Variants in EHBP1 observed in about 807,000 individuals in gnomAD.
EHBP1 encodes the protein EH domain-binding protein 1.
Under a neutral mutation model 144.0 loss-of-function variants are expected in EHBP1, and 55 were observed. The ratio of observed to expected loss-of-function variants is 0.38; its 90% CI spans 0.31 to 0.48. The LOEUF (loss-of-function observed/expected upper bound fraction) is 0.48. Ranked by LOEUF, EHBP1 falls within the 20% of genes least tolerant of loss-of-function variation. The pLI, the probability that EHBP1 is intolerant of heterozygous loss-of-function variation, is 0.98. For synonymous variants in EHBP1, 469 were observed against 472.7 expected (o/e 0.99, Z 0.10); for missense variants, 1,200 against 1,364.2 (o/e 0.88, Z 1.90).
At chr2:62,865,736 C>G (rs1227238030) in intron 9 of EHBP1, among the ~76,000 whole-genome samples, 2 of 152,112 alleles carry the variant, frequency 1.3e-5, no homozygotes, top group African/African-American at 4.8e-5. Flanking sequence ...CCTGAGAGAA[C>G]AGAAACAAGA....
chr2:62,895,823 A>G (rs930015473), intron 10 of EHBP1, among the ~76,000 whole-genome samples: 2 of 152,174 alleles, frequency 1.3e-5, no homozygotes, highest in African/African-American at 4.8e-5. Context: ...CTGAGGGAGG[A>G]AAAAAGAAGA....
intron 19 of EHBP1, among the ~76,000 whole-genome samples, chr2:63,009,426 G>C (rs1057319777): frequency 6.6e-6 from 1 of 151,556 alleles, no homozygotes; most frequent in Non-Finnish European, 1.5e-5. Context: ...ATGCTGAGAA[G>C]AAAAAGGAAG....
intron 16 of EHBP1, among the ~76,000 whole-genome samples, chr2:62,992,495 T>G (rs559595404): frequency 1.3e-4 from 20 of 152,318 alleles, no homozygotes; most frequent in South Asian, 6.2e-4. Context: ...ACAGCTTGCC[T>G]TTGTATGATT....
At chr2:62,819,050 A>T (rs1490265482) in intron 5 of EHBP1, among the ~76,000 whole-genome samples, 2 of 152,172 alleles carry the variant, frequency 1.3e-5, no homozygotes, top group African/African-American at 4.8e-5. Context: ...CAGGGAGCAT[A>T]AAAGAAAGGA....
chr2:62,784,878 C>G (rs2042697906), intron 5 of EHBP1, among the ~76,000 whole-genome samples: 1 of 152,128 alleles, frequency 6.6e-6, no homozygotes, highest in African/African-American at 2.4e-5. Flanking sequence ...AGAATCACTT[C>G]TGGACTATGA....
intron 9 of EHBP1, among the ~76,000 whole-genome samples, chr2:62,873,980 C>T (rs983978257): frequency 6.6e-6 from 1 of 152,024 alleles, no homozygotes; most frequent in African/African-American, 2.4e-5. Flanking sequence ...TAACAGAGCT[C>T]GAGCTTAAAA....
intron 10 of EHBP1, among the ~76,000 whole-genome samples, chr2:62,910,314 A>G (rs905448309): frequency 2.0e-5 from 3 of 152,156 alleles, no homozygotes; most frequent in Non-Finnish European, 2.9e-5. Flanking sequence ...TTTTAATCCC[A>G]CTGAGTTTGA....
intron 1 of EHBP1, among the ~76,000 whole-genome samples, chr2:62,687,006 G>T (rs1017857662): frequency 4.6e-5 from 7 of 152,086 alleles, no homozygotes; most frequent in Non-Finnish European, 7.4e-5. Context: ...CATTCAACTG[G>T]TAACTAAAAG....
Position 62,693,762 on chromosome 2 carries a change from C to T in EHBP1, c.-295-13135C>T, listed in dbSNP as rs912159207. Among the ~76,000 whole-genome samples the T allele has an allele frequency of 2.0e-5, 3 of 152,166 alleles. No homozygotes were observed. In the South Asian group the frequency reaches 6.2e-4, roughly 32 times the overall value. On this transcript the variant is annotated intron_variant, in intron 1 of 22. Coordinates refer to the EHBP1 transcript ENST00000405015. ...TTTTTGTATCCATTAACCAACCTCT[C>T]TTCTCCCCTCCCGACTACACTTCCC... is the stretch of plus-strand genomic sequence containing the variant.
chr2:62,892,190 T>C (rs1315519703), intron 10 of EHBP1, among the ~76,000 whole-genome samples: 2 of 152,198 alleles, frequency 1.3e-5, no homozygotes, highest in African/African-American at 2.4e-5. Flanking sequence ...ATAAAGATAC[T>C]GAAGCTATTT....
rs188614757 is a variant in EHBP1 at position 62,719,509 on chromosome 2, A to C, written c.104+12214A>C. Among the ~76,000 whole-genome samples, 409 of 152,330 alleles carry C rather than the reference A, an allele frequency of 2.7e-3. 2 individuals carry two copies. Among genetic ancestry groups the C allele is most frequent in the Admixed American group, 0.018 (275 of 15,294 alleles). ...ACTGCAGAGAACTCACAAGGGAGCA[A>C]GAGATGTTTAACAATTTTGAAGGAA... On this transcript the variant is annotated intron_variant, in intron 2 of 22. Transcript: ENST00000431489.
chr2:62,864,968 A>G lies in EHBP1; in HGVS notation c.995A>G (p.Asp332Gly). ...TCTAAAACTGAAGAAGAAGAATTGGATGAGTAAGTACATTTCATTTTGCTG... is the reference window on the plus strand; with the variant it reads ...TCTAAAACTGAAGAAGAAGAATTGGGTGAGTAAGTACATTTCATTTTGCTG... Reference protein sequence around the residue: ...DSSKTEEEELDESNPFYEPKS... With the variant: ...DSSKTEEEELGESNPFYEPKS... Residue 332 changes from aspartate (D) to glycine (G), a missense_variant, in exon 9 of 23, where the codon GAT becomes GGT. Asp to Gly is a moderately conservative substitution (Grantham distance 94). This residue lies in a region of EHBP1 where 266 missense variants were observed against 262.4 expected (regional missense o/e 1.01). Coordinates refer to ENST00000431489, the MANE Select transcript of EHBP1 (RefSeq NM_001142616.3). The G allele has an allele frequency of 6.2e-7, 1 of 1,612,892 alleles. No homozygotes were observed. The highest frequency in any genetic ancestry group is 1.3e-5 in the African/African-American group (1 of 74,916).
At chr2:63,005,751 G>C (rs188912064) in intron 19 of EHBP1, among the ~76,000 whole-genome samples, 9 of 151,916 alleles carry the variant, frequency 5.9e-5, no homozygotes, top group Admixed American at 4.6e-4. Context: ...TAATAATAAG[G>C]CTACTCACAA....
At chr2:62,933,257 A>T (rs1423999360) in intron 10 of EHBP1, among the ~76,000 whole-genome samples, 1 of 152,040 alleles carries the variant, frequency 6.6e-6, no homozygotes, top group Non-Finnish European at 1.5e-5. Context: ...CATTTTTTCC[A>T]GGGTCTAATA....
Position 62,996,623 on chromosome 2 carries a change from C to G in EHBP1, c.2980-20C>G, listed in dbSNP as rs558522480. 1.1e-5 allele frequency: 18 copies of G among 1,607,076 alleles called. 2 individuals carry two copies. In the South Asian group the frequency reaches 2.0e-4, roughly 18 times the overall value. Reference sequence around the variant, plus strand: ...CTTACAAGTGATTTTTTTTTCCTTCCTGTTTGTTCTTGTTAACAGAAAGGG... The same window carrying G: ...CTTACAAGTGATTTTTTTTTCCTTCGTGTTTGTTCTTGTTAACAGAAAGGG... On this transcript the variant is annotated intron_variant, in intron 18 of 22. Coordinates refer to ENST00000431489, the MANE Select transcript of EHBP1 (RefSeq NM_001142616.3).
chr2:62,965,302 G>C (rs552768409), intron 14 of EHBP1, among the ~76,000 whole-genome samples: 2 of 152,146 alleles, frequency 1.3e-5, no homozygotes, highest in East Asian at 3.8e-4. Flanking sequence ...TTTGTGAAAT[G>C]TTTAGCAAGT....
At chr2:62,957,981 T>C (rs2057800339) in intron 14 of EHBP1, among the ~76,000 whole-genome samples, 1 of 152,182 alleles carries the variant, frequency 6.6e-6, no homozygotes, top group Non-Finnish European at 1.5e-5. Context: ...GAAATATCTT[T>C]AGTCTCATTA....
intron 19 of EHBP1, among the ~76,000 whole-genome samples, chr2:63,002,459 C>T (rs1326536004): frequency 6.6e-6 from 1 of 151,992 alleles, no homozygotes. Context: ...TATAGTTTCT[C>T]AGTGTATTAG....
At chr2:62,675,818 T>C (rs2033267513) in intron 1 of EHBP1, among the ~76,000 whole-genome samples, 1 of 152,174 alleles carries the variant, frequency 6.6e-6, no homozygotes, top group East Asian at 1.9e-4. Flanking sequence ...TGTGGTGCAA[T>C]CTTGGTTTAC....
Sources: gnomAD v4.1 joint callset for allele counts (sites outside exome capture counted in the v4.1 genomes callset) on GRCh38, gnomAD v4.1.1 for gene constraint, gnomAD v4.1.1 regional missense constraint, MANE v1.5 for transcripts, NCBI Gene and HGNC (gene_info 2026-07-23, HGNC 2026-07-21) for gene names.